The following CACNG2 variants were observed in gnomAD, a reference collection of about 807,000 sequenced individuals.
CACNG2 encodes calcium voltage-gated channel auxiliary subunit gamma 2, also known as voltage-dependent calcium channel gamma-2 subunit.
Under a neutral mutation model 25.9 loss-of-function variants are expected in CACNG2, and 3 were observed. That is an observed-to-expected ratio of 0.12 (90% CI 0.05 to 0.30). The LOEUF (loss-of-function observed/expected upper bound fraction) is 0.30. Ranked by LOEUF, CACNG2 falls within the 10% of genes least tolerant of loss-of-function variation. The pLI, the probability that CACNG2 is intolerant of heterozygous loss-of-function variation, is 1.00. For synonymous variants in CACNG2, 167 were observed against 173.3 expected, an observed-to-expected ratio of 0.96 and a Z score of 0.29; for missense variants, 341 against 432.5, an observed-to-expected ratio of 0.79 and a Z score of 1.88.
intron 1 of CACNG2, among the ~76,000 whole-genome samples, chr22:36,688,688 C>G (rs887386100): frequency 6.6e-6 from 1 of 151,986 alleles, no homozygotes; most frequent in African/African-American, 2.4e-5. Flanking sequence ...GGCAAAGAAA[C>G]AGGCCCAGCC....
intron 1 of CACNG2, among the ~76,000 whole-genome samples, chr22:36,593,003 T>G (rs2145926083): frequency 6.6e-6 from 1 of 152,200 alleles, no homozygotes; most frequent in East Asian, 1.9e-4. Context: ...CTTGCCCCCA[T>G]CCTTGGGGCG....
chr22:36,650,261 A>G (rs1936588186), intron 1 of CACNG2, among the ~76,000 whole-genome samples: 2 of 152,068 alleles, frequency 1.3e-5, no homozygotes, highest in South Asian at 4.1e-4. Flanking sequence ...AGTGGCCTAT[A>G]AGGCCCCATG....
chr22:36,669,258 T>G (rs1395202469), intron 1 of CACNG2, among the ~76,000 whole-genome samples: 2 of 151,900 alleles, frequency 1.3e-5, no homozygotes, highest in Non-Finnish European at 2.9e-5. Context: ...TCCCAGCACT[T>G]TGGGAGGCTG....
intron 1 of CACNG2, among the ~76,000 whole-genome samples, chr22:36,626,424 T>A (rs1221546487): frequency 6.6e-6 from 1 of 152,170 alleles, no homozygotes; most frequent in Non-Finnish European, 1.5e-5. Context: ...AATCATCTGA[T>A]CCATACCACC....
chr22:36,621,922 G>T (rs1331600686), intron 1 of CACNG2, among the ~76,000 whole-genome samples: 1 of 152,228 alleles, frequency 6.6e-6, no homozygotes, highest in Non-Finnish European at 1.5e-5. Context: ...CTGTTTTCCA[G>T]CATGTTGGTT....
Position 36,702,640 on chromosome 22 carries a change from A to G in CACNG2, c.-64T>C, listed in dbSNP as rs183432722. 337 of 1,260,324 alleles carry G rather than the reference A, an allele frequency of 2.7e-4. No homozygotes were observed. In the East Asian group the frequency reaches 7.3e-3, roughly 27 times the overall value. The allele number at this position is 1,260,324 out of a possible 1,614,324, so 78.1% of individuals were successfully genotyped here. On this transcript the variant is annotated 5_prime_UTR_variant, in exon 1 of 4. Transcript: ENST00000300105. Reference sequence around the variant, plus strand: ...CTCGGGAGAGTGTGTGTGAGGGTGCAAGTACTAAAGCCAAAAAAAATAAAT... The same window carrying G: ...CTCGGGAGAGTGTGTGTGAGGGTGCGAGTACTAAAGCCAAAAAAAATAAAT...
At chr22:36,682,363 T>A (rs560630658) in intron 1 of CACNG2, among the ~76,000 whole-genome samples, 1 of 152,272 alleles carries the variant, frequency 6.6e-6, no homozygotes, top group East Asian at 1.9e-4. Context: ...TGCATGGTGG[T>A]TGTGGGGATA....
intron 1 of CACNG2, among the ~76,000 whole-genome samples, chr22:36,684,437 G>A (rs1004868769): frequency 4.6e-5 from 7 of 151,850 alleles, no homozygotes; most frequent in Non-Finnish European, 7.4e-5. Flanking sequence ...GCAGCATGGC[G>A]AAACCCCATC....
chr22:36,641,362 CA>C (rs1408927575), intron 1 of CACNG2, among the ~76,000 whole-genome samples: 1 of 152,190 alleles, frequency 6.6e-6, no homozygotes, highest in East Asian at 1.9e-4. Flanking sequence ...CACAAATGAA[CA>C]AGTTCCCAGT....
At chr22:36,594,616 G>T (rs1935644307) in intron 1 of CACNG2, among the ~76,000 whole-genome samples, 1 of 152,198 alleles carries the variant, frequency 6.6e-6, no homozygotes, top group South Asian at 2.1e-4. Context: ...GGAGGAGCAG[G>T]TGCCTGAGCT....
intron 1 of CACNG2, among the ~76,000 whole-genome samples, chr22:36,648,717 A>G (rs2145973147): frequency 6.6e-6 from 1 of 152,178 alleles, no homozygotes; most frequent in African/African-American, 2.4e-5. Flanking sequence ...ATCTCAGTAA[A>G]CGGCCCTGCC....
In CACNG2 at chr22:36,572,631, G is replaced by A. The variant is rs1935251304; in HGVS notation, c.296-6138C>T. ...GCAGGAGAATCGTTTGAACCCAGGA[G>A]GCAGAAGTTGCAGTGAGCTGAGATC... is the stretch of plus-strand genomic sequence containing the variant. On this transcript the variant is annotated intron_variant, in intron 2 of 3. Transcript: ENST00000300105. 2.0e-5 allele frequency among the ~76,000 whole-genome samples: 3 copies of A among 151,986 alleles called. No individual in the cohort carries two copies. The South Asian group carries it at 6.2e-4, about 32-fold the overall frequency.
At chr22:36,616,854 A>G (rs917679511) in intron 1 of CACNG2, among the ~76,000 whole-genome samples, 1 of 152,100 alleles carries the variant, frequency 6.6e-6, no homozygotes, top group African/African-American at 2.4e-5. Flanking sequence ...ATGATGATCT[A>G]TTTATTTTCT....
intron 1 of CACNG2, among the ~76,000 whole-genome samples, chr22:36,610,638 C>T (rs1206112784): frequency 6.6e-6 from 1 of 152,186 alleles, no homozygotes; most frequent in African/African-American, 2.4e-5. Flanking sequence ...CCCCCAAAGC[C>T]AGCCTGTCCA....
At chr22:36,678,824 C>T (rs1313574487) in intron 1 of CACNG2, among the ~76,000 whole-genome samples, 1 of 152,184 alleles carries the variant, frequency 6.6e-6, no homozygotes, top group Non-Finnish European at 1.5e-5. Flanking sequence ...TCTTCTTTCC[C>T]TGGGTACATT....
rs563420468 is a variant in CACNG2, at chr22:36,567,290, A to G, written c.296-797T>C. Among the ~76,000 whole-genome samples the G allele has an allele frequency of 3.0e-4, 46 of 152,364 alleles. 1 individual carries two copies. In the South Asian group the frequency reaches 8.9e-3, roughly 29 times the overall value. On this transcript the variant is annotated intron_variant, in intron 2 of 3. Transcript: ENST00000300105. ...TATTATAATAAATATTTGTGTATAC[A>G]TATGCTTCCACCATGAACCATGGGT...
chr22:36,622,817 G>A (rs1936125432), intron 1 of CACNG2, among the ~76,000 whole-genome samples: 1 of 151,700 alleles, frequency 6.6e-6, no homozygotes, highest in Non-Finnish European at 1.5e-5. Flanking sequence ...AAATTAGCTT[G>A]GGGTGGTGGC....
chr22:36,580,221 A>C (rs929900226), intron 2 of CACNG2, among the ~76,000 whole-genome samples: 10 of 152,064 alleles, frequency 6.6e-5, no homozygotes, highest in Admixed American at 2.0e-4. Context: ...GAGTGTGCCA[A>C]AGCCTGCCTC....
intron 3 of CACNG2, among the ~76,000 whole-genome samples, 179 bp downstream of exon 3, chr22:36,566,174 G>A (rs1035752731): frequency 6.6e-6 from 1 of 152,124 alleles, no homozygotes; most frequent in African/African-American, 2.4e-5. Context: ...GTACAGGCTC[G>A]GGAGTTGCTA....
Sources: allele counts gnomAD v4.1 joint callset (sites outside exome capture counted in the v4.1 genomes callset), GRCh38; gene constraint gnomAD v4.1.1; transcripts MANE v1.5; gene names NCBI Gene and HGNC (gene_info 2026-07-23, HGNC 2026-07-21).